The following ERBB4 variants were observed in gnomAD, a reference collection of about 807,000 sequenced individuals.
ERBB4 encodes receptor tyrosine-protein kinase erbB-4.
A neutral mutation model predicts 158.0 loss-of-function variants in ERBB4; 42 were observed. That is an observed-to-expected ratio of 0.27 (90% CI 0.21 to 0.34). The LOEUF is 0.34. Among genes scored for constraint, ERBB4 ranks in the 10% least tolerant of loss-of-function variants. The pLI is 1.00. For missense variants in ERBB4, 1,333 were observed against 1,624.1 expected (o/e 0.82, Z 3.08); for synonymous variants, 583 against 558.7 (o/e 1.04, Z -0.61).
chr2:212,463,008 C>A (rs1233378226), intron 1 of ERBB4, among the ~76,000 whole-genome samples: 1 of 151,984 alleles, frequency 6.6e-6, no homozygotes, highest in Non-Finnish European at 1.5e-5. Flanking sequence ...GGCACACACA[C>A]AAAATAAATA....
At position 212,474,839 on chromosome 2, in the gene ERBB4, T is replaced by TTTTTTTTG. The variant is rs1245995165; in HGVS notation, c.82+63609_82+63610insCAAAAAAA. ...CGGCCATTCTTTTTTTTTTTTTTTTTTGTCAAGACAAGGTCTTGCTCTATT... is the reference window on the plus strand; with the variant it reads ...CGGCCATTCTTTTTTTTTTTTTTTTTTTTTTTTGTGTCAAGACAAGGTCTTGCTCTATT... On this transcript the variant is annotated intron_variant, in intron 1 of 27. Transcript: ENST00000342788. Among the ~76,000 whole-genome samples the TTTTTTTTG allele has an allele frequency of 1.3e-4, 18 of 136,218 alleles. 1 individual carries two copies. The highest frequency in any genetic ancestry group is 5.7e-4 in the African/African-American group (17 of 29,686). 89.4% of individuals were successfully genotyped at this position (136,218 alleles called of 152,430 possible).
chr2:211,736,179 A>G (rs2074594464), intron 5 of ERBB4, among the ~76,000 whole-genome samples: 1 of 152,124 alleles, frequency 6.6e-6, no homozygotes, highest in East Asian at 1.9e-4. Flanking sequence ...AGGAAAAAAA[A>G]AAAAAGATAA....
At chr2:212,057,483 C>G (rs1195138147) in intron 2 of ERBB4, among the ~76,000 whole-genome samples, 1 of 152,284 alleles carries the variant, frequency 6.6e-6, no homozygotes, top group South Asian at 2.1e-4. Flanking sequence ...ATACATACTT[C>G]TCAGCACCAC....
chr2:211,564,104 C>T (rs933943189), intron 19 of ERBB4, among the ~76,000 whole-genome samples: 1 of 152,052 alleles, frequency 6.6e-6, no homozygotes, highest in African/African-American at 2.4e-5. Flanking sequence ...CAGACACCAA[C>T]AATCACAGAA....
At chr2:212,464,522 C>A (rs569324137) in intron 1 of ERBB4, among the ~76,000 whole-genome samples, 1 of 152,116 alleles carries the variant, frequency 6.6e-6, no homozygotes, top group South Asian at 2.1e-4. Flanking sequence ...GTTTAGCTGC[C>A]TGAGAACCAA....
chr2:211,387,955 G>C lies in ERBB4; in HGVS notation c.3173C>G (p.Pro1058Arg), dbSNP rs2062721540. 1 of 1,608,694 alleles carries C rather than the reference G, an allele frequency of 6.2e-7. No individual in the cohort carries two copies. Among genetic ancestry groups the C allele is most frequent in the East Asian group, 2.2e-5 (1 of 44,818 alleles). Residue 1058 changes from proline (P) to arginine (R), a missense_variant, in exon 26 of 28, where the codon CCC (proline) becomes CGC (arginine). Pro to Arg is a moderately radical substitution (Grantham distance 103, BLOSUM62 -2). Transcript: ENST00000342788. ...TTGTGAAATACTTACTCCTGACATG[G>C]GGGTGTAGGCAGGAGGAGGGCTGTG... The part of the protein sequence containing the change: ...IGHSPPPAYT[P>R]MSGNQFVYRD...
At chr2:212,055,178 G>A (rs998124222) in intron 2 of ERBB4, among the ~76,000 whole-genome samples, 4 of 152,190 alleles carry the variant, frequency 2.6e-5, no homozygotes, top group South Asian at 2.1e-4. Context: ...AGGGTCCCAC[G>A]CCCACAGAGC....
At chr2:212,067,388 C>G (rs2077976999) in intron 2 of ERBB4, among the ~76,000 whole-genome samples, 1 of 151,886 alleles carries the variant, frequency 6.6e-6, no homozygotes, top group African/African-American at 2.4e-5. Context: ...TAAAGTAAAC[C>G]TGTCATTAGA....
intron 20 of ERBB4, among the ~76,000 whole-genome samples, chr2:211,459,030 T>A (rs2064459714): frequency 6.6e-6 from 1 of 152,192 alleles, no homozygotes; most frequent in Non-Finnish European, 1.5e-5. Flanking sequence ...TTATTTCACT[T>A]ATCATAAGCT....
intron 1 of ERBB4, among the ~76,000 whole-genome samples, chr2:212,504,337 G>T (rs1691064548): frequency 6.6e-6 from 1 of 151,714 alleles, no homozygotes. Flanking sequence ...TAACTCAAAG[G>T]AATAACTAGT....
intron 2 of ERBB4, among the ~76,000 whole-genome samples, chr2:211,969,848 G>A (rs112940591): frequency 2.7e-4 from 41 of 151,954 alleles, no homozygotes; most frequent in African/African-American, 9.4e-4. Flanking sequence ...ACAGCTCCTG[G>A]ATTCATTGAT....
chr2:211,441,547 T>A (rs558041279), intron 20 of ERBB4, among the ~76,000 whole-genome samples: 14 of 152,228 alleles, frequency 9.2e-5, no homozygotes, highest in African/African-American at 3.4e-4. Context: ...TAATCTTTCT[T>A]GTTTTTGTTT....
intron 6 of ERBB4, among the ~76,000 whole-genome samples, chr2:211,723,360 C>G (rs1242532797): frequency 6.6e-6 from 1 of 152,042 alleles, no homozygotes; most frequent in African/African-American, 2.4e-5. Flanking sequence ...TGTGGATGAG[C>G]TAATTCTTTC....
At chr2:211,908,397 T>A (rs2079453289) in intron 3 of ERBB4, among the ~76,000 whole-genome samples, 1 of 151,812 alleles carries the variant, frequency 6.6e-6, no homozygotes, top group South Asian at 2.1e-4. Context: ...ATTACGTAGA[T>A]TTTCTCTCTA....
intron 1 of ERBB4, among the ~76,000 whole-genome samples, chr2:212,346,638 T>C (rs954114931): frequency 6.6e-6 from 1 of 151,928 alleles, no homozygotes; most frequent in Non-Finnish European, 1.5e-5. Context: ...AAAAATATTG[T>C]CAAGTTATAT....
chr2:211,817,897 G>A (rs2076912459), intron 3 of ERBB4, among the ~76,000 whole-genome samples: 1 of 152,184 alleles, frequency 6.6e-6, no homozygotes. Context: ...CCCCAACATT[G>A]CAGAACTATC....
At chr2:211,582,753 C>G (rs967645152) in intron 19 of ERBB4, among the ~76,000 whole-genome samples, 9 of 152,234 alleles carry the variant, frequency 5.9e-5, no homozygotes, top group African/African-American at 2.2e-4. Context: ...AATGTCTATA[C>G]ATTAAAATTC....
intron 1 of ERBB4, among the ~76,000 whole-genome samples, chr2:212,531,468 T>C (rs1692752363): frequency 6.6e-6 from 1 of 152,146 alleles, no homozygotes. Flanking sequence ...GTTAGGGCCA[T>C]GATGAAAGAG....
intron 1 of ERBB4, among the ~76,000 whole-genome samples, chr2:212,388,203 A>G (rs2106430167): frequency 6.6e-6 from 1 of 152,262 alleles, no homozygotes; most frequent in Non-Finnish European, 1.5e-5. Context: ...TTATTAAAAT[A>G]GGAAGAAGTA....
Sources: allele counts gnomAD v4.1 joint callset (sites outside exome capture counted in the v4.1 genomes callset), GRCh38; gene constraint gnomAD v4.1.1; transcripts MANE v1.5; gene names NCBI Gene and HGNC (gene_info 2026-07-23, HGNC 2026-07-21).